The following SIGLEC10 variants were observed in gnomAD, a reference collection of about 807,000 sequenced individuals.
The protein encoded by SIGLEC10 is sialic acid-binding Ig-like lectin 10.
A neutral mutation model predicts 68.3 loss-of-function variants in SIGLEC10; 45 were observed. The ratio of observed to expected loss-of-function variants is 0.66; its 90% confidence interval spans 0.52 to 0.84. The LOEUF (loss-of-function observed/expected upper bound fraction) is 0.84. SIGLEC10 is among the 40% of genes least tolerant of loss of function. The pLI is 0.00. For synonymous variants in SIGLEC10, 379 were observed against 370.8 expected (o/e 1.02, Z -0.26); for missense variants, 789 against 883.1 (o/e 0.89, Z 1.35).
chr19:51,411,317 G>T lies in SIGLEC10; in HGVS notation c.1876C>A (p.Pro626Thr), dbSNP rs1315517438. 1 of 1,614,202 alleles carries T rather than the reference G, an allele frequency of 6.2e-7. No homozygotes were observed. The highest frequency in any genetic ancestry group is 2.2e-5 in the East Asian group (1 of 44,882). Reference sequence around the variant, plus strand: ...TTTGATTCTGGGGAGGGAGCACCTGGTGGAAGAGGGGTCCGAGGACTGTTT... The same window carrying T: ...TTTGATTCTGGGGAGGGAGCACCTGTTGGAAGAGGGGTCCGAGGACTGTTT... ...TPNSPRTPLP[P>T]GAPSPESKKN... Residue 626 changes from proline (P) to threonine (T), a missense_variant, in exon 11 of 11, where the codon CCA becomes ACA. Transcript: ENST00000339313.
chr19:51,410,863 G>T lies in SIGLEC10; in HGVS notation c.*236C>A. 2.3e-6 allele frequency: 1 copy of T among 426,562 alleles called. No homozygotes were observed. Among genetic ancestry groups the T allele is most frequent in the Non-Finnish European group, 4.2e-6 (1 of 239,166 alleles). The allele number at this position is 426,562 out of a possible 1,614,324, so 26.4% of individuals were successfully genotyped here. A position where few individuals can be genotyped will look rare whatever the true frequency, so the allele number is the denominator to read the frequency against. The stretch of plus-strand genomic sequence containing the variant: ...GGGGTTTCACCAAGTTGGCCAGGCT[G>T]GTCTCGAACTCCCGACCTCAGGCGA... On this transcript the variant is annotated 3_prime_UTR_variant, in exon 11 of 11. Coordinates refer to ENST00000339313, the MANE Select transcript of SIGLEC10 (RefSeq NM_033130.5).
At position 51,416,793 on chromosome 19, in the gene SIGLEC10, C is replaced by T. The variant is rs769800706; in HGVS notation, c.579G>A (p.Thr193=). Residue 193 remains threonine, a synonymous_variant, in exon 3 of 11, where the codon ACG becomes ACA. Coordinates refer to ENST00000339313, the MANE Select transcript of SIGLEC10 (RefSeq NM_033130.5). ...AALSSQGTKP[T]TSHFSVLSFT... ...AGCTGAGCACTGAGAAGTGGGAGGT[C>T]GTTGGTTTGGTTCCTTGGGAGGAGA... 7 of 1,614,000 alleles carry T rather than the reference C, an allele frequency of 4.3e-6. No individual in the cohort carries two copies. Among genetic ancestry groups the T allele is most frequent in the Admixed American group, 1.7e-5 (1 of 59,996 alleles).
chr19:51,411,181 T>C lies in SIGLEC10; in HGVS notation c.2012A>G (p.Asn671Ser), dbSNP rs138452209. The C allele has an allele frequency of 6.2e-6, 10 of 1,614,080 alleles. No individual in the cohort carries two copies. In the African/African-American group the frequency reaches 1.3e-4, roughly 22 times the overall value. Residue 671 changes from asparagine (N) to serine (S), a missense_variant, in exon 11 of 11, where the codon AAC becomes AGC. Coordinates refer to ENST00000339313, the MANE Select transcript of SIGLEC10 (RefSeq NM_033130.5). ...AGGCCTGGGTCTGACGCCTGGGAAG[T>C]TGAGCGTGGCATAATGGAGCTCCTC... ...SQEELHYATL[N>S]FPGVRPRPEA...
Position 51,410,234 on chromosome 19 carries a change from G to A in SIGLEC10, c.*865C>T, listed in dbSNP as rs1221314520. ...GGCATTTGTAAACTGTCATGGTGCT[G>A]TCAGGAGTGTAGCAGTGAGGACGAC... On this transcript the variant is annotated 3_prime_UTR_variant, in exon 11 of 11. Transcript: ENST00000339313. The A allele has an allele frequency of 6.6e-6, 1 of 152,260 alleles. No homozygotes were observed. The highest frequency in any genetic ancestry group is 1.9e-4 in the East Asian group (1 of 5,200). 9.4% of individuals were successfully genotyped at this position (152,260 alleles called of 1,614,324 possible). A position where few individuals can be genotyped will look rare whatever the true frequency, so the allele number is the denominator to read the frequency against.
chr19:51,414,594 C>T lies in SIGLEC10; in HGVS notation c.1616-79G>A, dbSNP rs1988379348. The T allele has an allele frequency of 6.8e-7, 1 of 1,462,976 alleles. No homozygotes were observed. The highest frequency in any genetic ancestry group is 9.5e-7 in the Non-Finnish European group (1 of 1,052,992). 90.6% of individuals were successfully genotyped at this position (1,462,976 alleles called of 1,614,324 possible). ...GCCCGCTCATCACTCGGCATTAAGG[C>T]TTCCGGTTCCCATGGCGGACATTGT... On this transcript the variant is annotated intron_variant, in intron 8 of 10. Transcript: ENST00000339313. This position sits in a 1 kb window ranked among gnomAD's most constrained non-coding sequence, Gnocchi z 4.1.
chr19:51,416,211 AAGAG>A (rs774958023), intron 4 of SIGLEC10, 44 bp from the exon 5 acceptor site: 26 of 1,606,256 alleles, frequency 1.6e-5, no homozygotes, highest in East Asian at 6.7e-5. Flanking sequence ...GGGAGGGAGA[AAGAG>A]AGAAGGGGTA....
chr19:51,414,910 T>G lies in SIGLEC10; in HGVS notation c.1529A>C (p.His510Pro). 1.2e-6 allele frequency: 2 copies of G among 1,614,060 alleles called. No individual in the cohort carries two copies. The highest frequency in any genetic ancestry group is 8.5e-7 in the Non-Finnish European group (1 of 1,179,998). ...CCTGAGGCCGGAGCTGAGCCCTCCA[T>G]GGAGGCTCAGGGAGCTGTTGGCCCA... Reference protein sequence around the residue: ...GPWANSSLSLHGGLSSGLRLR... With the variant: ...GPWANSSLSLPGGLSSGLRLR... The change falls in exon 8 of 11, where the codon CAT (histidine) becomes CCT (proline). Residue 510 changes from histidine (H) to proline (P), a missense_variant. His to Pro is a moderately conservative substitution (Grantham distance 77, BLOSUM62 -2). Coordinates refer to ENST00000339313, the MANE Select transcript of SIGLEC10 (RefSeq NM_033130.5). This position sits in a 1 kb window ranked among gnomAD's most constrained non-coding sequence, Gnocchi z 4.1.
intron 3 of SIGLEC10, 127 bp from the exon 4 acceptor site, chr19:51,416,484 A>T: frequency 1.9e-6 from 3 of 1,597,232 alleles, no homozygotes; most frequent in Non-Finnish European, 2.6e-6. Context: ...GCCAGGGCTC[A>T]CGTGTGTGGA....
At position 51,411,482 on chromosome 19, in the gene SIGLEC10, C is replaced by A. The variant is rs557400414; in HGVS notation, c.1822-111G>T. On this transcript the variant is annotated intron_variant, in intron 10 of 10. Transcript: ENST00000339313. ...GAGTGAAACTAAGTCCCTGCCCTTG[C>A]CTTGCTGAGCTTGCATTCCATCTTG... The A allele has an allele frequency of 4.1e-5, 56 of 1,366,140 alleles. No homozygotes were observed. In the African/African-American group the frequency reaches 7.8e-4, roughly 19 times the overall value. 84.6% of individuals were successfully genotyped at this position (1,366,140 alleles called of 1,614,324 possible). A position where few individuals can be genotyped will look rare whatever the true frequency, so the allele number is the denominator to read the frequency against.
In SIGLEC10 at chr19:51,414,834, C is replaced by G. The variant is rs145650287; in HGVS notation, c.1605G>C (p.Leu535=). Reference sequence around the variant, plus strand: ...AGGCGGCCCCCTAACCTGGCAGCTGCAGGATGGATCCACTCTGGGCCCCAT... The same window carrying G: ...AGGCGGCCCCCTAACCTGGCAGCTGGAGGATGGATCCACTCTGGGCCCCAT... ...NVHGAQSGSI[L]QLPDKKGLIS... is the part of the protein sequence containing the mutation. Residue 535 remains leucine, a synonymous_variant, in exon 8 of 11, where the codon CTG becomes CTC. Transcript: ENST00000339313. The surrounding 1 kb of genome is among the most constrained non-coding windows in gnomAD (Gnocchi z 4.1). 8,481 of 1,613,712 alleles carry G rather than the reference C, an allele frequency of 5.3e-3. 38 individuals are homozygous for G. Among genetic ancestry groups the G allele is most frequent in the Middle Eastern group, 0.011 (66 of 6,058 alleles).
At position 51,417,471 on chromosome 19, in the gene SIGLEC10, G is replaced by A. The variant is rs538973928; in HGVS notation, c.38-6C>T. On this transcript the variant is annotated splice_polypyrimidine_tract_variant and splice_region_variant and intron_variant, in intron 1 of 10. Transcript: ENST00000339313. ...CCCATCCATAGCCTGGGACCCTGTG[G>A]GGAGACAGAGGCTCAACCTGCAACC... The A allele has an allele frequency of 4.3e-6, 7 of 1,613,840 alleles. No individual in the cohort carries two copies. In the South Asian group the frequency reaches 5.5e-5, roughly 13 times the overall value.
chr19:51,412,823 C>T (rs889106093), intron 10 of SIGLEC10, among the ~76,000 whole-genome samples: 1 of 151,482 alleles, frequency 6.6e-6, no homozygotes, highest in Non-Finnish European at 1.5e-5. Context: ...GGCTGGAGTG[C>T]ATGGTGTCAT....
Position 51,415,284 on chromosome 19 carries a change from G to A in SIGLEC10, c.1227C>T (p.Val409=). ...CCACTTGAACCCGAGGCAGCTCCAG[G>A]ACCCCGGGGTCTGAGGGCTGGGAGG... ...LSPSQPSDPG[V]LELPRVQVEH... Residue 409 remains valine (V), a synonymous_variant, in exon 7 of 11, where the codon GTC becomes GTT. Transcript: ENST00000339313. The A allele has an allele frequency of 6.8e-6, 11 of 1,614,084 alleles. No individual in the cohort carries two copies. The highest frequency in any genetic ancestry group is 9.3e-6 in the Non-Finnish European group (11 of 1,180,006).
chr19:51,415,733 C>G, intron 5 of SIGLEC10, 118 bp from the exon 6 acceptor site: 1 of 1,582,110 alleles, frequency 6.3e-7, no homozygotes, highest in Non-Finnish European at 8.6e-7. Context: ...AGGGCAGAAT[C>G]ACCCACTGAG....
chr19:51,414,768 CTT>C lies in SIGLEC10; in HGVS notation c.1615+54_1615+55del. The C allele has an allele frequency of 1.2e-6, 2 of 1,606,720 alleles. No individual in the cohort carries two copies. The highest frequency in any genetic ancestry group is 1.7e-5 in the Admixed American group (1 of 57,188). On this transcript the variant is annotated intron_variant, in intron 8 of 10. Transcript: ENST00000339313. The surrounding 1 kb of genome is among the most constrained non-coding windows in gnomAD (Gnocchi z 4.1). Reference sequence around the variant, plus strand: ...CCTGCTCCAACCACAGGACCCTACTCTTTGCCCCAGTCAGCTTCTCCTCCAAG... The same window carrying C: ...CCTGCTCCAACCACAGGACCCTACTCTGCCCCAGTCAGCTTCTCCTCCAAG...
Position 51,414,354 on chromosome 19 carries a change from C to T in SIGLEC10, c.1709+68G>A, listed in dbSNP as rs945033670. On this transcript the variant is annotated intron_variant, in intron 9 of 10. Transcript: ENST00000339313. The surrounding 1 kb of genome is among the most constrained non-coding windows in gnomAD (Gnocchi z 4.1). Reference sequence around the variant, plus strand: ...GCGTTGATCACGACCTTCACTCTTTCGGCCTGCAACACCTCCCCTCTTCCT... The same window carrying T: ...GCGTTGATCACGACCTTCACTCTTTTGGCCTGCAACACCTCCCCTCTTCCT... 5.2e-6 allele frequency: 7 copies of T among 1,340,498 alleles called. No homozygotes were observed. The highest frequency in any genetic ancestry group is 2.3e-5 in the East Asian group (1 of 42,564). The allele number at this position is 1,340,498 out of a possible 1,614,324, so 83.0% of individuals were successfully genotyped here. A position where few individuals can be genotyped will look rare whatever the true frequency, so the allele number is the denominator to read the frequency against.
rs762159222 is a variant in SIGLEC10 at position 51,413,822 on chromosome 19, T to C, written c.1711A>G (p.Met571Val). Reference sequence around the variant, plus strand: ...GTCCGTCTCTTCGGTAGAATCTTCATGCTGAGGAAATGAACCCACCTGTTT... The same window carrying C: ...GTCCGTCTCTTCGGTAGAATCTTCACGCTGAGGAAATGAACCCACCTGTTT... The part of the protein sequence containing the change: ...LLFLCLALII[M>V]KILPKRRTQT... Residue 571 changes from methionine to valine, a missense_variant and splice_region_variant, in exon 10 of 11, where the codon ATG becomes GTG. Coordinates refer to ENST00000339313, the MANE Select transcript of SIGLEC10 (RefSeq NM_033130.5). The C allele has an allele frequency of 4.3e-6, 7 of 1,613,888 alleles. No homozygotes were observed. Among genetic ancestry groups the C allele is most frequent in the Admixed American group, 1.7e-5 (1 of 59,994 alleles).
At position 51,410,959 on chromosome 19, in the gene SIGLEC10, T is replaced by G; in HGVS notation, c.*140A>C. The G allele has an allele frequency of 9.3e-7, 1 of 1,075,228 alleles. No homozygotes were observed. Among genetic ancestry groups the G allele is most frequent in the Non-Finnish European group, 1.3e-6 (1 of 754,050 alleles). The allele number at this position is 1,075,228 out of a possible 1,614,324, so 66.6% of individuals were successfully genotyped here. The stretch of plus-strand genomic sequence containing the variant: ...CCACTGTGCCCTGGCCAGATGTTTT[T>G]TTAAAAGAGAGAGAAAGAGAGAGAG... On this transcript the variant is annotated 3_prime_UTR_variant, in exon 11 of 11. Coordinates refer to ENST00000339313, the MANE Select transcript of SIGLEC10 (RefSeq NM_033130.5).
rs1384689875 is a variant in SIGLEC10, at chr19:51,416,086, T to G, written c.836A>C (p.Asp279Ala). ...GQFLRLLCAADSQPPATLSWV... is the reference protein window; with the variant it reads ...GQFLRLLCAAASQPPATLSWV... ...GCTCAGTGTGGCAGGGGGCTGGCTG[T>G]CAGCAGCACAGAGGAGCCGCAGGAA... Residue 279 changes from aspartate (D) to alanine (A), a missense_variant, in exon 5 of 11, where the codon GAC (aspartate) becomes GCC (alanine). Coordinates refer to ENST00000339313, the MANE Select transcript of SIGLEC10 (RefSeq NM_033130.5). 9.9e-6 allele frequency: 16 copies of G among 1,610,022 alleles called. No homozygotes were observed. The highest frequency in any genetic ancestry group is 1.4e-5 in the Non-Finnish European group (16 of 1,178,794).
Sources: allele counts gnomAD v4.1 joint callset (sites outside exome capture counted in the v4.1 genomes callset), GRCh38; gene constraint gnomAD v4.1.1; non-coding constraint Gnocchi (gnomAD v3.1); transcripts MANE v1.5; gene names NCBI Gene and HGNC (gene_info 2026-07-23, HGNC 2026-07-21).